Variants in PPP3CA observed in about 807,000 individuals in gnomAD.
PPP3CA encodes the protein CAM-PRP catalytic subunit.
A neutral mutation model predicts 66.5 loss-of-function variants in PPP3CA; 14 were observed. The ratio of observed to expected loss-of-function variants is 0.21; its 90% CI spans 0.14 to 0.33. PPP3CA has a LOEUF of 0.33. PPP3CA is among the 10% of genes least tolerant of loss of function. PPP3CA has a pLI of 1.00. For missense variants in PPP3CA, 317 were observed against 639.5 expected, an observed-to-expected ratio of 0.50 and a Z score of 5.44; for synonymous variants, 232 against 226.2, an observed-to-expected ratio of 1.03 and a Z score of -0.23.
intron 1 of PPP3CA, among the ~76,000 whole-genome samples, chr4:101,314,322 T>A (rs1218309287): frequency 6.6e-6 from 1 of 152,054 alleles, no homozygotes; most frequent in Non-Finnish European, 1.5e-5. Flanking sequence ...AAAATTTAAT[T>A]TTCAGGCCGA....
At chr4:101,288,042 C>T (rs1323414181) in intron 1 of PPP3CA, among the ~76,000 whole-genome samples, 1 of 152,070 alleles carries the variant, frequency 6.6e-6, no homozygotes, top group African/African-American at 2.4e-5. Flanking sequence ...AAAGTCATGC[C>T]AGCAACCAAA....
chr4:101,324,194 AAGGAAGGAAGGAAGG>A (rs1729137754), intron 1 of PPP3CA, among the ~76,000 whole-genome samples: 1 of 140,942 alleles, frequency 7.1e-6, no homozygotes, highest in Non-Finnish European at 1.6e-5. Flanking sequence ...GGAAGGAAGG[AAGGAAGGAAGGAAGG>A]AAGGAAGGAA....
chr4:101,109,308 T>TAAAAAAAAAAAAAAAAAAAAAG (rs1721574510), intron 2 of PPP3CA, among the ~76,000 whole-genome samples: 1 of 90,060 alleles, frequency 1.1e-5, no homozygotes, highest in Non-Finnish European at 2.2e-5. Flanking sequence ...ACAGATTAAC[T>TAAAAAAAAAAAAAAAAAAAAAG]AAAAAAAAAA....
chr4:101,342,413 T>C (rs1729845758), intron 1 of PPP3CA, among the ~76,000 whole-genome samples: 1 of 152,140 alleles, frequency 6.6e-6, no homozygotes, highest in African/African-American at 2.4e-5. Context: ...TTATATTCAC[T>C]TTATAATAGT....
chr4:101,106,450 A>AAGAGAAGAGAAGAGAAGAG (rs1553925316), intron 3 of PPP3CA, among the ~76,000 whole-genome samples: 1 of 11,094 alleles, frequency 9.0e-5, no homozygotes, highest in Non-Finnish European at 1.7e-4. Context: ...AGAAAGAAAG[A>AAGAGAAGAGAAGAGAAGAG]AAGAGAAAAG....
At chr4:101,126,094 T>A (rs1722237137) in intron 2 of PPP3CA, among the ~76,000 whole-genome samples, 1 of 152,192 alleles carries the variant, frequency 6.6e-6, no homozygotes, top group Admixed American at 6.5e-5. Context: ...TCTGCTAGAA[T>A]AATGCATGAG....
chr4:101,120,259 T>C (rs922516965), intron 2 of PPP3CA, among the ~76,000 whole-genome samples: 4 of 152,058 alleles, frequency 2.6e-5, no homozygotes, highest in Non-Finnish European at 4.4e-5. Context: ...TATTAAAAGA[T>C]GAATAAACAC....
chr4:101,322,382 C>T (rs907053883), intron 1 of PPP3CA, among the ~76,000 whole-genome samples: 2 of 151,546 alleles, frequency 1.3e-5, no homozygotes, highest in Non-Finnish European at 2.9e-5. Flanking sequence ...TAGGCTCTCA[C>T]CAAACACCAC....
chr4:101,127,332 T>C (rs1400282079), intron 2 of PPP3CA, among the ~76,000 whole-genome samples: 1 of 152,054 alleles, frequency 6.6e-6, no homozygotes. Context: ...GCCACAAATG[T>C]GACTATACTT....
intron 2 of PPP3CA, among the ~76,000 whole-genome samples, chr4:101,112,825 C>T (rs1257866246): frequency 6.6e-6 from 1 of 152,068 alleles, no homozygotes; most frequent in Non-Finnish European, 1.5e-5. Flanking sequence ...TTCTCTGATT[C>T]TTCCCACTGA....
At chr4:101,273,497 T>C (rs1052113058) in intron 1 of PPP3CA, among the ~76,000 whole-genome samples, 4 of 152,148 alleles carry the variant, frequency 2.6e-5, no homozygotes, top group African/African-American at 9.7e-5. Flanking sequence ...CAGCTAATTT[T>C]TGTACTATTA....
At chr4:101,206,449 AAAAAAG>A (rs1467982972) in intron 1 of PPP3CA, among the ~76,000 whole-genome samples, 3 of 152,178 alleles carry the variant, frequency 2.0e-5, no homozygotes, top group Admixed American at 2.0e-4. Context: ...TCCTTTCCTC[AAAAAAG>A]AACCACTCTT....
At position 101,347,476 on chromosome 4, in the gene PPP3CA, T is replaced by G. The variant is rs1158834482; in HGVS notation, c.-680A>C. The G allele has an allele frequency of 6.3e-6, 1 of 157,890 alleles. No homozygotes were observed. The highest frequency in any genetic ancestry group is 1.5e-4 in the South Asian group (1 of 6,680). 9.8% of individuals were successfully genotyped at this position (157,890 alleles called of 1,614,324 possible). A position where few individuals can be genotyped will look rare whatever the true frequency, so the allele number is the denominator to read the frequency against. The stretch of plus-strand genomic sequence containing the variant: ...CTGCCTCCCCGCGCCGCTCCTCCAC[T>G]CACCAAGGCACAGCCGCCGAGCTCG... On this transcript the variant is annotated 5_prime_UTR_variant, in exon 1 of 14. Coordinates refer to ENST00000394854, the MANE Select transcript of PPP3CA (RefSeq NM_000944.5).
intron 1 of PPP3CA, among the ~76,000 whole-genome samples, chr4:101,278,854 C>G (rs1249972277): frequency 6.6e-6 from 1 of 152,220 alleles, no homozygotes; most frequent in African/African-American, 2.4e-5. Context: ...CTTTGTGCCA[C>G]TGGCTATCAA....
At chr4:101,100,615 G>A (rs1225367075) in intron 3 of PPP3CA, among the ~76,000 whole-genome samples, 1 of 152,098 alleles carries the variant, frequency 6.6e-6, no homozygotes, top group Non-Finnish European at 1.5e-5. Flanking sequence ...TCAGTAATTT[G>A]TTATCGTCAA....
chr4:101,186,296 A>G (rs763728122), intron 2 of PPP3CA, among the ~76,000 whole-genome samples: 14 of 152,158 alleles, frequency 9.2e-5, no homozygotes, highest in Non-Finnish European at 1.0e-4. Flanking sequence ...TCCCTGCAAC[A>G]TTTTTCTGAT....
intron 10 of PPP3CA, among the ~76,000 whole-genome samples, chr4:101,050,104 C>A (rs182954750): frequency 7.9e-5 from 12 of 152,070 alleles, no homozygotes; most frequent in Admixed American, 2.0e-4. Flanking sequence ...TAGATGGTCC[C>A]CAAGTCATGA....
chr4:101,326,632 T>C (rs1016321135), intron 1 of PPP3CA, among the ~76,000 whole-genome samples: 3 of 152,212 alleles, frequency 2.0e-5, no homozygotes, highest in Admixed American at 6.5e-5. Flanking sequence ...ACAGGTAGCA[T>C]TTAATGAAGT....
chr4:101,316,408 A>T lies in PPP3CA; in HGVS notation c.58+30331T>A, dbSNP rs143014083. ...TCATTATAAGCAATCAAATAAGTAAATGTGGTTTTACATTTTAGGAAACTA... is the reference window on the plus strand; with the variant it reads ...TCATTATAAGCAATCAAATAAGTAATTGTGGTTTTACATTTTAGGAAACTA... On this transcript the variant is annotated intron_variant, in intron 1 of 13. Transcript: ENST00000394854. Among the ~76,000 whole-genome samples, 146 of 152,218 alleles carry T rather than the reference A, an allele frequency of 9.6e-4. 1 individual carries two copies. In the East Asian group the frequency reaches 0.025, roughly 26 times the overall value.
Sources: gnomAD v4.1 joint callset for allele counts (sites outside exome capture counted in the v4.1 genomes callset) on GRCh38, gnomAD v4.1.1 for gene constraint, MANE v1.5 for transcripts, NCBI Gene and HGNC (gene_info 2026-07-23, HGNC 2026-07-21) for gene names.